ARMH4: variants seen among roughly 807,000 people sequenced by gnomAD.
The protein encoded by ARMH4 is armadillo like helical domain containing 4.
A neutral mutation model predicts 61.9 loss-of-function variants in ARMH4; 49 were observed. The ratio of observed to expected loss-of-function variants is 0.79; its 90% CI spans 0.63 to 1.00. The LOEUF (loss-of-function observed/expected upper bound fraction) is 1.00. Among genes scored for constraint, ARMH4 ranks in the 50% least tolerant of loss-of-function variants. The pLI is 0.00. For missense variants in ARMH4, 934 were observed against 930.0 expected, an observed-to-expected ratio of 1.00 and a Z score of -0.06; for synonymous variants, 368 against 341.5, an observed-to-expected ratio of 1.08 and a Z score of -0.85.
chr14:58,018,274 G>A (rs910803787), intron 5 of ARMH4, among the ~76,000 whole-genome samples: 2 of 151,772 alleles, frequency 1.3e-5, no homozygotes, highest in African/African-American at 4.8e-5. Flanking sequence ...TAGAAAACCG[G>A]GATTTTATCA....
At chr14:58,127,053 C>T (rs999174731) in intron 4 of ARMH4, among the ~76,000 whole-genome samples, 3 of 152,054 alleles carry the variant, frequency 2.0e-5, no homozygotes, top group Non-Finnish European at 4.4e-5. Flanking sequence ...CCACCTGCCT[C>T]GACCTCCCAA....
chr14:58,149,257 G>A (rs1027761190), intron 1 of ARMH4, among the ~76,000 whole-genome samples: 3 of 152,138 alleles, frequency 2.0e-5, no homozygotes, highest in Non-Finnish European at 4.4e-5. Context: ...CTGATTCACT[G>A]TGCTACTGAC....
chr14:58,079,386 G>T (rs1192963479), intron 5 of ARMH4, among the ~76,000 whole-genome samples: 2 of 152,086 alleles, frequency 1.3e-5, no homozygotes, highest in East Asian at 3.9e-4. Flanking sequence ...AAAGAAAAGG[G>T]GGTTGCACTC....
chr14:58,020,532 T>G (rs1882786185), intron 5 of ARMH4, among the ~76,000 whole-genome samples: 1 of 152,186 alleles, frequency 6.6e-6, no homozygotes, highest in Non-Finnish European at 1.5e-5. Context: ...TGTGTCTGGA[T>G]GTCTGCCTGG....
intron 5 of ARMH4, among the ~76,000 whole-genome samples, chr14:58,052,176 C>T (rs1430908803): frequency 6.6e-6 from 1 of 152,248 alleles, no homozygotes; most frequent in African/African-American, 2.4e-5. Context: ...CAGCTACAAA[C>T]GCTGAGCTCC....
rs189997796 is a variant in ARMH4, at chr14:58,043,675, G to A, written c.2090-31525C>T. ...AGAGGAAGTCCAATTGTCCCTGTTT[G>A]CAGTTGACATGATTGTATATCTAGA... On this transcript the variant is annotated intron_variant, in intron 5 of 7. Coordinates refer to ENST00000267485, the MANE Select transcript of ARMH4 (RefSeq NM_001001872.4). 5.3e-3 allele frequency among the ~76,000 whole-genome samples: 801 copies of A among 152,336 alleles called. 4 individuals are homozygous for A. Among genetic ancestry groups the A allele is most frequent in the Non-Finnish European group, 7.0e-3 (479 of 68,032 alleles).
intron 6 of ARMH4, among the ~76,000 whole-genome samples, chr14:58,011,569 G>A (rs1355232281): frequency 2.0e-5 from 3 of 152,202 alleles, no homozygotes; most frequent in African/African-American, 7.2e-5. Flanking sequence ...TGAAAACTTG[G>A]AGAGGATTGA....
At chr14:58,058,404 G>A (rs1240204182) in intron 5 of ARMH4, among the ~76,000 whole-genome samples, 1 of 152,132 alleles carries the variant, frequency 6.6e-6, no homozygotes, top group Non-Finnish European at 1.5e-5. Flanking sequence ...CATAGGCAGA[G>A]CAGGCCCAAG....
chr14:58,079,320 T>C (rs117428004), intron 5 of ARMH4, among the ~76,000 whole-genome samples: 11 of 152,220 alleles, frequency 7.2e-5, no homozygotes, highest in African/African-American at 2.7e-4. Context: ...AGAGCCTTCA[T>C]GCTGCATCAT....
chr14:58,045,825 C>G (rs138348972), intron 5 of ARMH4, among the ~76,000 whole-genome samples: 1 of 152,074 alleles, frequency 6.6e-6, no homozygotes, highest in Non-Finnish European at 1.5e-5. Flanking sequence ...GAGAACAAGA[C>G]TCACAGAGAA....
chr14:58,089,556 T>C (rs1245711454), intron 5 of ARMH4, among the ~76,000 whole-genome samples: 1 of 152,214 alleles, frequency 6.6e-6, no homozygotes, highest in Non-Finnish European at 1.5e-5. Context: ...CTCCCTTTCA[T>C]CTTGCCAAAT....
chr14:58,135,366 A>G (rs2139969441), intron 2 of ARMH4, among the ~76,000 whole-genome samples: 2 of 152,328 alleles, frequency 1.3e-5, no homozygotes, highest in African/African-American at 4.8e-5. Flanking sequence ...CAAGAAGACA[A>G]TAACATATAG....
At chr14:58,056,538 G>T (rs76829162) in intron 5 of ARMH4, among the ~76,000 whole-genome samples, 3 of 152,338 alleles carry the variant, frequency 2.0e-5, no homozygotes, top group Middle Eastern at 3.4e-3. Flanking sequence ...GAGACAAGGT[G>T]ATCAGTGAGG....
intron 4 of ARMH4, among the ~76,000 whole-genome samples, chr14:58,125,527 C>T (rs939726020): frequency 2.0e-5 from 3 of 152,160 alleles, no homozygotes; most frequent in Non-Finnish European, 2.9e-5. Flanking sequence ...ACATTTCAAT[C>T]CCTGTATCTT....
chr14:58,149,771 T>C (rs573952415), intron 1 of ARMH4, among the ~76,000 whole-genome samples: 6 of 152,346 alleles, frequency 3.9e-5, no homozygotes, highest in Non-Finnish European at 7.3e-5. Flanking sequence ...ATAATGCTGG[T>C]TATATTTTTT....
intron 6 of ARMH4, among the ~76,000 whole-genome samples, chr14:58,010,977 A>T (rs1306318105): frequency 6.6e-6 from 1 of 152,080 alleles, no homozygotes; most frequent in Non-Finnish European, 1.5e-5. Flanking sequence ...AACAAGAAAC[A>T]CTACCAATGT....
Position 58,002,369 on chromosome 14 carries a change from C to T in ARMH4, c.*2367G>A, listed in dbSNP as rs1020694090. 9 of 152,122 alleles carry T rather than the reference C, an allele frequency of 5.9e-5. No homozygotes were observed. The highest frequency in any genetic ancestry group is 5.9e-4 in the Admixed American group (9 of 15,274). The allele number at this position is 152,122 out of a possible 1,614,324, so 9.4% of individuals were successfully genotyped here. On this transcript the variant is annotated 3_prime_UTR_variant, in exon 8 of 8. Coordinates refer to ENST00000267485, the MANE Select transcript of ARMH4 (RefSeq NM_001001872.4). ...AATGTACTCTAAGTATAATCTTTTC[C>T]TTTAAGAAATCATGTGTCCCAAAAA...
At chr14:58,079,291 A>AT (rs1475598169) in intron 5 of ARMH4, among the ~76,000 whole-genome samples, 1 of 152,220 alleles carries the variant, frequency 6.6e-6, no homozygotes, top group Non-Finnish European at 1.5e-5. Context: ...GTACACAAGC[A>AT]TGGTACTCGC....
At chr14:58,101,299 G>A (rs1885967229) in intron 4 of ARMH4, 1 of 152,728 alleles carries the variant, frequency 6.5e-6, no homozygotes, top group Non-Finnish European at 1.5e-5. Context: ...AGTGCCTAGA[G>A]ACATCAAAGG....
Sources: gnomAD v4.1 joint callset for allele counts (sites outside exome capture counted in the v4.1 genomes callset) on GRCh38, gnomAD v4.1.1 for gene constraint, MANE v1.5 for transcripts, NCBI Gene and HGNC (gene_info 2026-07-23, HGNC 2026-07-21) for gene names.